The following UAP1 variants were observed in gnomAD, a reference collection of about 807,000 sequenced individuals.
UAP1 encodes the protein UDP-N-acetylhexosamine pyrophosphorylase.
In UAP1, 25 loss-of-function variants were observed where a neutral mutation model predicts 58.5. That is an observed-to-expected ratio of 0.43 (90% CI 0.31 to 0.60). The LOEUF (loss-of-function observed/expected upper bound fraction) is 0.60, where lower values mean the gene tolerates loss of function less well. UAP1 is among the 20% of genes least tolerant of loss of function. The probability of loss-of-function intolerance (pLI) is 0.11; values close to 1 mark genes in which losing one functional copy is unlikely to be tolerated. For missense variants in UAP1, 575 were observed against 630.0 expected (o/e 0.91, Z 0.93); for synonymous variants, 208 against 213.0 (o/e 0.98, Z 0.21).
intron 5 of UAP1, among the ~76,000 whole-genome samples, chr1:162,581,991 T>C (rs1031683839): frequency 1.3e-5 from 2 of 152,354 alleles, no homozygotes; most frequent in South Asian, 2.1e-4. Flanking sequence ...TTTGTAATGA[T>C]ATGTAATGAG....
At chr1:162,568,347 G>A (rs1207053501) in intron 2 of UAP1, among the ~76,000 whole-genome samples, 1 of 152,198 alleles carries the variant, frequency 6.6e-6, no homozygotes, top group Non-Finnish European at 1.5e-5. Flanking sequence ...TGTTGGGGAA[G>A]CTGCCTCTTA....
chr1:162,589,946 G>C (rs1360153953), intron 7 of UAP1, among the ~76,000 whole-genome samples: 1 of 152,062 alleles, frequency 6.6e-6, no homozygotes, highest in Non-Finnish European at 1.5e-5. Flanking sequence ...ACTCCAGCCT[G>C]GGTGACAGAG....
At chr1:162,563,282 A>G (rs894125248) in intron 1 of UAP1, among the ~76,000 whole-genome samples, 2 of 152,200 alleles carry the variant, frequency 1.3e-5, no homozygotes, top group Non-Finnish European at 2.9e-5. Flanking sequence ...CATTATGAAC[A>G]TTATACAACA....
chr1:162,588,219 C>T, intron 6 of UAP1: 1 of 154,714 alleles, frequency 6.5e-6, no homozygotes, highest in East Asian at 1.9e-4. Flanking sequence ...TTTTATCCCA[C>T]CATAGTTTTA....
intron 2 of UAP1, 138 bp from the exon 3 acceptor site, chr1:162,576,639 A>G: frequency 1.3e-6 from 1 of 775,002 alleles, no homozygotes; most frequent in South Asian, 1.9e-5. Flanking sequence ...CTGTACCCAA[A>G]ATCAGCAAAT....
At chr1:162,564,807 CG>C (rs1557962174) in intron 1 of UAP1, among the ~76,000 whole-genome samples, 1 of 152,170 alleles carries the variant, frequency 6.6e-6, no homozygotes, top group Non-Finnish European at 1.5e-5. Context: ...ATTTGTCATA[CG>C]TTAACCTTCT....
exon 9 of UAP1, chr1:162,592,757 A>G: frequency 2.6e-6 from 4 of 1,550,492 alleles, no homozygotes; most frequent in Non-Finnish European, 2.6e-6. Flanking sequence ...GAAGTCAGAG[A>G]CCATCACAGC....
chr1:162,585,836 A>G lies in UAP1; in HGVS notation c.835-1639A>G, dbSNP rs1484368238. On this transcript the variant is annotated intron_variant, in intron 5 of 10. Coordinates refer to ENST00000271469, the Ensembl canonical transcript of UAP1. ...GGAATCTATCCCAAATTCCCTGCCT[A>G]GTAAGATACCCACTGTAGGTAGAGT... Among the ~76,000 whole-genome samples the G allele has an allele frequency of 3.9e-5, 6 of 152,070 alleles. No individual in the cohort carries two copies. The South Asian group carries it at 6.2e-4, about 16-fold the overall frequency.
At chr1:162,598,590 A>C (rs552111616) in intron 10 of UAP1, among the ~76,000 whole-genome samples, 1 of 152,196 alleles carries the variant, frequency 6.6e-6, no homozygotes, top group Admixed American at 6.5e-5. Context: ...AGTTTGTTCA[A>C]GTACTTAGTA....
intron 5 of UAP1, among the ~76,000 whole-genome samples, chr1:162,583,064 G>A (rs1022784403): frequency 6.7e-6 from 1 of 149,640 alleles, no homozygotes; most frequent in Non-Finnish European, 1.5e-5. Flanking sequence ...TGCAACCTTT[G>A]CCTCCTGGGT....
chr1:162,589,157 TATATATA>T (rs1211025050), intron 7 of UAP1, among the ~76,000 whole-genome samples: 1 of 66,992 alleles, frequency 1.5e-5, no homozygotes, highest in South Asian at 4.4e-4. Context: ...TAATATATAT[TATATATA>T]ATATATAAAT....
intron 2 of UAP1, among the ~76,000 whole-genome samples, chr1:162,567,135 C>G (rs967147893): frequency 6.6e-6 from 1 of 152,194 alleles, no homozygotes; most frequent in Non-Finnish European, 1.5e-5. Flanking sequence ...TGCAGTTGTG[C>G]AGTGCAGTAG....
chr1:162,585,037 T>G, intron 5 of UAP1, among the ~76,000 whole-genome samples: 1 of 152,120 alleles, frequency 6.6e-6, no homozygotes, highest in Non-Finnish European at 1.5e-5. Context: ...CTGCTCAGCC[T>G]CCCAAGTAGC....
intron 1 of UAP1, among the ~76,000 whole-genome samples, chr1:162,564,808 G>A (rs779955150): frequency 6.6e-6 from 1 of 152,060 alleles, no homozygotes; most frequent in Non-Finnish European, 1.5e-5. Context: ...TTTGTCATAC[G>A]TTAACCTTCT....
At chr1:162,597,760 A>C (rs1302625206) in intron 9 of UAP1, 32 bp from the exon 10 acceptor site, 11 of 1,590,404 alleles carry the variant, frequency 6.9e-6, no homozygotes, top group Non-Finnish European at 9.4e-6. Flanking sequence ...TGGGAAGCAA[A>C]GTCTTTAACA....
At chr1:162,584,321 A>G (rs1437519601) in intron 5 of UAP1, among the ~76,000 whole-genome samples, 1 of 152,254 alleles carries the variant, frequency 6.6e-6, no homozygotes, top group Non-Finnish European at 1.5e-5. Context: ...AGACTGGCAT[A>G]TATTAAAATC....
chr1:162,583,971 A>C (rs1654761511), intron 5 of UAP1, among the ~76,000 whole-genome samples: 1 of 152,202 alleles, frequency 6.6e-6, no homozygotes, highest in South Asian at 2.1e-4. Context: ...ACTCAGGCTC[A>C]AGGTTCTTTA....
In UAP1 at chr1:162,587,877, G is replaced by A. The variant is rs1341064429; in HGVS notation, c.1028+209G>A. 5 of 474,262 alleles carry A rather than the reference G, an allele frequency of 1.1e-5. 1 individual carries two copies. The highest frequency in any genetic ancestry group is 5.7e-4 in the Middle Eastern group (1 of 1,740). 29.4% of individuals were successfully genotyped at this position (474,262 alleles called of 1,614,324 possible). ...GAATCATCGGAGCCCATTCCCCAGC[G>A]CATTAATGGGAGGCCAAAGCATTTC... On this transcript the variant is annotated intron_variant, in intron 6 of 10. Coordinates refer to ENST00000271469, the Ensembl canonical transcript of UAP1.
At chr1:162,576,931 G>T (rs1309440447) in exon 3 of UAP1, 2 of 1,614,176 alleles carry the variant, frequency 1.2e-6, no homozygotes, top group Non-Finnish European at 1.7e-6. Context: ...GTATCCTGAA[G>T]CTACAGCAGG....
Sources: gnomAD v4.1 joint callset for allele counts (sites outside exome capture counted in the v4.1 genomes callset) on GRCh38, gnomAD v4.1.1 for gene constraint, MANE v1.5 for transcripts, NCBI Gene and HGNC (gene_info 2026-07-23, HGNC 2026-07-21) for gene names.